The following ATXN1 variants were observed in gnomAD, a reference collection of about 807,000 sequenced individuals.
ATXN1 encodes the protein ataxin-1.
Under a neutral mutation model 56.4 loss-of-function variants are expected in ATXN1, and 8 were observed. The ratio of observed to expected loss-of-function variants is 0.14; its 90% CI spans 0.08 to 0.26. ATXN1 has a LOEUF of 0.26. Ranked by LOEUF, ATXN1 falls within the 10% of genes least tolerant of loss-of-function variation. ATXN1 has a pLI of 1.00. For missense variants in ATXN1, 987 were observed against 1,106.5 expected (o/e 0.89, Z 1.53); for synonymous variants, 514 against 494.6 (o/e 1.04, Z -0.52).
chr6:16,434,554 A>G (rs1029728000), intron 6 of ATXN1, among the ~76,000 whole-genome samples: 1 of 152,168 alleles, frequency 6.6e-6, no homozygotes, highest in African/African-American at 2.4e-5. Context: ...TTCTTTGATG[A>G]CTCAGTGTGT....
rs1421300190 is a variant in ATXN1 at position 16,327,594 on chromosome 6, G to T, written c.717C>A (p.Pro239=). The change falls in exon 7 of 8, where the codon CCC becomes CCA. Residue 239 remains proline, a synonymous_variant. Transcript: ENST00000436367. ...CGTACTGGTTCTGCTGGGCTGGTGG[G>T]GGGGACCCCGGGGTGATGAGCCCCG... ...RAPGLITPGS[P]PPAQQNQYVH... The T allele has an allele frequency of 6.3e-7, 1 of 1,593,536 alleles. No homozygotes were observed. Among genetic ancestry groups the T allele is most frequent in the Admixed American group, 1.8e-5 (1 of 56,464 alleles).
At position 16,326,307 on chromosome 6, in the gene ATXN1, C is replaced by T. The variant is rs1760803139; in HGVS notation, c.1917+87G>A. 2.0e-5 allele frequency: 31 copies of T among 1,561,438 alleles called. 1 individual carries two copies. The South Asian group carries it at 3.3e-4, about 17-fold the overall frequency. The stretch of plus-strand genomic sequence containing the variant: ...GTGTACCCGAGAACCCTTAATCCTG[C>T]CTCATAGAAGCAATTCGTCTTGCCA... On this transcript the variant is annotated intron_variant, in intron 7 of 7. Coordinates refer to ENST00000436367, the MANE Select transcript of ATXN1 (RefSeq NM_001128164.2). This position sits in a 1 kb window ranked among gnomAD's most constrained non-coding sequence, Gnocchi z 6.6.
chr6:16,336,266 G>A (rs1432847592), intron 6 of ATXN1, among the ~76,000 whole-genome samples: 1 of 152,142 alleles, frequency 6.6e-6, no homozygotes, highest in Non-Finnish European at 1.5e-5. Context: ...TCACCTCCTG[G>A]CTATGGCGAT....
intron 4 of ATXN1, among the ~76,000 whole-genome samples, chr6:16,535,073 GC>G (rs1295322123): frequency 6.6e-6 from 1 of 152,200 alleles, no homozygotes; most frequent in South Asian, 2.1e-4. Flanking sequence ...TGTCTAGTCT[GC>G]CACAGTGAGC....
At chr6:16,380,815 C>T (rs1758091932) in intron 6 of ATXN1, among the ~76,000 whole-genome samples, 1 of 152,206 alleles carries the variant, frequency 6.6e-6, no homozygotes, top group Admixed American at 6.5e-5. Context: ...AAAACTACCA[C>T]TGGCAGGCAT....
intron 6 of ATXN1, among the ~76,000 whole-genome samples, chr6:16,430,823 G>A (rs531171009): frequency 7.9e-5 from 12 of 152,184 alleles, no homozygotes; most frequent in African/African-American, 2.7e-4. Context: ...TCATTCCTAT[G>A]GGATTAGGGA....
intron 2 of ATXN1, among the ~76,000 whole-genome samples, chr6:16,694,209 A>G (rs999097048): frequency 6.9e-6 from 1 of 145,010 alleles, no homozygotes; most frequent in African/African-American, 2.5e-5. Flanking sequence ...GGAAATTAAC[A>G]TTTAGTTTAC....
At chr6:16,528,377 A>G (rs1279144904) in intron 4 of ATXN1, among the ~76,000 whole-genome samples, 1 of 152,150 alleles carries the variant, frequency 6.6e-6, no homozygotes, top group Non-Finnish European at 1.5e-5. Context: ...GAAGGTATAC[A>G]TGGGAGGGCC....
At chr6:16,714,151 G>GA (rs1168293409) in intron 2 of ATXN1, among the ~76,000 whole-genome samples, 1 of 97,724 alleles carries the variant, frequency 1.0e-5, no homozygotes, top group Non-Finnish European at 2.0e-5. Flanking sequence ...TAAGACTGTA[G>GA]AAAAAAAGAA....
chr6:16,745,179 G>T (rs1189290838), intron 2 of ATXN1, among the ~76,000 whole-genome samples: 1 of 152,196 alleles, frequency 6.6e-6, no homozygotes, highest in Non-Finnish European at 1.5e-5. Flanking sequence ...TATATCATTA[G>T]TAACAATGTA....
rs564716940 is a variant in ATXN1, at chr6:16,360,414, T to A, written c.-160-31944A>T. On this transcript the variant is annotated intron_variant, in intron 6 of 7. Transcript: ENST00000436367. ...ATTATTTTATTTTTAAATTTACATATGTCAATGGGAAATAATGTGCTTGAA... is the reference window on the plus strand; with the variant it reads ...ATTATTTTATTTTTAAATTTACATAAGTCAATGGGAAATAATGTGCTTGAA... 8.3e-4 allele frequency among the ~76,000 whole-genome samples: 126 copies of A among 152,346 alleles called. 1 individual carries two copies. Among genetic ancestry groups the A allele is most frequent in the Middle Eastern group, 3.4e-3 (1 of 294 alleles).
intron 6 of ATXN1, among the ~76,000 whole-genome samples, chr6:16,408,666 A>C (rs1758736144): frequency 1.3e-5 from 2 of 152,240 alleles, no homozygotes; most frequent in Admixed American, 1.3e-4. Context: ...GCAAATTGAA[A>C]AACATTTGAC....
intron 2 of ATXN1, among the ~76,000 whole-genome samples, chr6:16,706,458 C>G (rs1168312792): frequency 6.6e-6 from 1 of 152,138 alleles, no homozygotes; most frequent in East Asian, 1.9e-4. Flanking sequence ...GGCACAGTGG[C>G]TTATGCCTGT....
intron 2 of ATXN1, among the ~76,000 whole-genome samples, chr6:16,726,772 C>T (rs756165423): frequency 1.3e-5 from 2 of 152,056 alleles, no homozygotes; most frequent in Non-Finnish European, 2.9e-5. Flanking sequence ...GCAGAAGAAT[C>T]GCTTGAAGCC....
intron 5 of ATXN1, among the ~76,000 whole-genome samples, chr6:16,519,229 A>G (rs528614378): frequency 4.9e-4 from 74 of 152,228 alleles, no homozygotes; most frequent in Non-Finnish European, 9.8e-4. Context: ...CAGGCCCCCA[A>G]AGCAATATAT....
At chr6:16,350,279 G>GT (rs2113458682) in intron 6 of ATXN1, among the ~76,000 whole-genome samples, 1 of 152,270 alleles carries the variant, frequency 6.6e-6, no homozygotes, top group South Asian at 2.1e-4. Flanking sequence ...ATGATAATAC[G>GT]TTTTCAAAAG....
chr6:16,533,425 T>TA (rs1309479965), intron 4 of ATXN1, among the ~76,000 whole-genome samples: 1 of 152,190 alleles, frequency 6.6e-6, no homozygotes, highest in Non-Finnish European at 1.5e-5. Flanking sequence ...TCACTTGGAC[T>TA]AAAAAAGAAT....
chr6:16,581,880 C>G (rs932609180), intron 4 of ATXN1, among the ~76,000 whole-genome samples: 8 of 152,192 alleles, frequency 5.3e-5, no homozygotes, highest in African/African-American at 1.9e-4. Flanking sequence ...TGACATCCAT[C>G]TTTCTAACAT....
chr6:16,673,962 C>T (rs551296306), intron 2 of ATXN1, among the ~76,000 whole-genome samples: 53 of 152,278 alleles, frequency 3.5e-4, no homozygotes, highest in Admixed American at 1.6e-3. Context: ...CAGTTGAGAT[C>T]CACTGGTTGA....
Sources: gnomAD v4.1 joint callset for allele counts (sites outside exome capture counted in the v4.1 genomes callset) on GRCh38, gnomAD v4.1.1 for gene constraint, Gnocchi (gnomAD v3.1) non-coding constraint, MANE v1.5 for transcripts, NCBI Gene and HGNC (gene_info 2026-07-23, HGNC 2026-07-21) for gene names.